The following MAP3K13 variants were observed in gnomAD, a reference collection of about 807,000 sequenced individuals.
MAP3K13 encodes the protein mitogen-activated protein kinase kinase kinase 13, also known as leucine zipper-bearing kinase.
Under a neutral mutation model 104.0 loss-of-function variants are expected in MAP3K13, and 52 were observed. The ratio of observed to expected loss-of-function variants is 0.50; its 90% confidence interval spans 0.40 to 0.63. The LOEUF (loss-of-function observed/expected upper bound fraction) is 0.63, where lower values mean the gene tolerates loss of function less well. MAP3K13 is among the 20% of genes least tolerant of loss of function. The pLI is 0.00. For missense variants in MAP3K13, 914 were observed against 1,218.5 expected, an observed-to-expected ratio of 0.75 and a Z score of 3.72; for synonymous variants, 394 against 442.2, an observed-to-expected ratio of 0.89 and a Z score of 1.37.
chr3:185,367,037 T>G (rs1277567899), intron 1 of MAP3K13, among the ~76,000 whole-genome samples: 2 of 152,252 alleles, frequency 1.3e-5, no homozygotes, highest in African/African-American at 4.8e-5. Flanking sequence ...CTATGTTTTC[T>G]TCTAAGAGTT....
chr3:185,384,797 T>G (rs545606143), intron 1 of MAP3K13, among the ~76,000 whole-genome samples: 2 of 152,302 alleles, frequency 1.3e-5, no homozygotes, highest in African/African-American at 4.8e-5. Context: ...GTAATGGGAT[T>G]ATTATTATTA....
At chr3:185,344,042 C>T (rs747764464) in intron 2 of MAP3K13, among the ~76,000 whole-genome samples, 2 of 152,194 alleles carry the variant, frequency 1.3e-5, no homozygotes, top group African/African-American at 2.4e-5. Context: ...ATAAGATATG[C>T]ATGTGTTCAT....
intron 1 of MAP3K13, among the ~76,000 whole-genome samples, chr3:185,406,657 AT>A (rs1713128983): frequency 6.6e-6 from 1 of 152,196 alleles, no homozygotes; most frequent in African/African-American, 2.4e-5. Flanking sequence ...AATTTCTAAG[AT>A]TTTGGTACTA....
intron 1 of MAP3K13, among the ~76,000 whole-genome samples, chr3:185,368,209 G>A (rs1212259092): frequency 1.3e-5 from 2 of 152,122 alleles, no homozygotes; most frequent in African/African-American, 4.8e-5. Context: ...GTAGGTAGTA[G>A]TATTCCCACT....
Position 185,429,392 on chromosome 3 carries a change from A to G in MAP3K13, c.475+336A>G, listed in dbSNP as rs549796181. On this transcript the variant is annotated intron_variant, in intron 2 of 13. Transcript: ENST00000265026. ...TTTCTATTTTCATACATTTTCAGAT[A>G]TATTTCATATTTTAATATAGCTGTG... Among the ~76,000 whole-genome samples the G allele has an allele frequency of 9.0e-4, 137 of 152,340 alleles. 1 individual carries two copies. Among genetic ancestry groups the G allele is most frequent in the African/African-American group, 3.0e-3 (126 of 41,586 alleles).
intron 1 of MAP3K13, among the ~76,000 whole-genome samples, chr3:185,412,008 T>A (rs767613358): frequency 2.0e-5 from 3 of 152,064 alleles, no homozygotes; most frequent in Non-Finnish European, 2.9e-5. Flanking sequence ...GGTCTCGAAC[T>A]CTGGACCTCA....
intron 7 of MAP3K13, among the ~76,000 whole-genome samples, chr3:185,454,034 GAT>G (rs1360702022): frequency 0.023 from 133 of 5,808 alleles, 5 homozygotes; most frequent in Non-Finnish European, 0.034. Context: ...ATATATATGA[GAT>G]ATATATATGA....
chr3:185,309,574 G>A (rs1257608400), intron 2 of MAP3K13, among the ~76,000 whole-genome samples: 1 of 151,664 alleles, frequency 6.6e-6, no homozygotes, highest in Non-Finnish European at 1.5e-5. Flanking sequence ...TCAGCAGACT[G>A]AAGAGAGCCA....
chr3:185,343,450 A>G (rs1286608559), intron 2 of MAP3K13, among the ~76,000 whole-genome samples: 5 of 151,812 alleles, frequency 3.3e-5, no homozygotes, highest in Non-Finnish European at 7.4e-5. Context: ...TCAGCAGGGT[A>G]TGTTTATTTA....
chr3:185,396,007 A>G (rs1712391443), intron 1 of MAP3K13, among the ~76,000 whole-genome samples: 1 of 152,030 alleles, frequency 6.6e-6, no homozygotes, highest in East Asian at 1.9e-4. Flanking sequence ...ACACCATTAC[A>G]ATTTGAGATT....
In MAP3K13 at chr3:185,429,951, G is replaced by A. The variant is rs77677334; in HGVS notation, c.475+895G>A. ...GTGGTGGCTCAAGCCTGTAATCACA[G>A]CACTTTGGGAGGCTAAGGGGAGCGG... On this transcript the variant is annotated intron_variant, in intron 2 of 13. Transcript: ENST00000265026. Among the ~76,000 whole-genome samples, 615 of 152,300 alleles carry A rather than the reference G, an allele frequency of 4.0e-3. 2 individuals carry two copies. The highest frequency in any genetic ancestry group is 0.014 in the African/African-American group (601 of 41,568).
chr3:185,361,388 GTTTT>G (rs1400378238), upstream of MAP3K13, among the ~76,000 whole-genome samples: 1 of 147,922 alleles, frequency 6.8e-6, no homozygotes. Flanking sequence ...CCATTTGTTC[GTTTT>G]TTGTTTTTTT....
At chr3:185,451,211 T>C in intron 6 of MAP3K13, 76 bp from the exon 7 acceptor site, 1 of 1,052,542 alleles carries the variant, frequency 9.5e-7, no homozygotes, top group Non-Finnish European at 1.4e-6. Flanking sequence ...AACAATCTTC[T>C]TCATAAAGTA....
At chr3:185,425,209 G>A (rs981860158) in intron 1 of MAP3K13, among the ~76,000 whole-genome samples, 2 of 152,170 alleles carry the variant, frequency 1.3e-5, no homozygotes, top group African/African-American at 4.8e-5. Flanking sequence ...GATAGCATCA[G>A]TAAAAGCCTA....
At chr3:185,422,264 G>A (rs562742363) in intron 1 of MAP3K13, among the ~76,000 whole-genome samples, 1 of 152,344 alleles carries the variant, frequency 6.6e-6, no homozygotes, top group South Asian at 2.1e-4. Context: ...AACCATGCTA[G>A]TGGAAGGAGC....
At chr3:185,403,605 C>T (rs1332110617) in intron 1 of MAP3K13, among the ~76,000 whole-genome samples, 3 of 152,090 alleles carry the variant, frequency 2.0e-5, no homozygotes, top group Non-Finnish European at 4.4e-5. Flanking sequence ...TCACACTGTA[C>T]AATTTTTGTC....
intron 2 of MAP3K13, among the ~76,000 whole-genome samples, chr3:185,323,167 TAACATCTTAC>T (rs1230046751): frequency 1.3e-5 from 2 of 152,188 alleles, no homozygotes; most frequent in African/African-American, 4.8e-5. Flanking sequence ...CTCCTGATGT[TAACATCTTAC>T]ATAACTATGG....
chr3:185,480,591 C>T, intron 13 of MAP3K13, 62 bp downstream of exon 13: 5 of 1,510,420 alleles, frequency 3.3e-6, no homozygotes, highest in East Asian at 2.3e-5. Flanking sequence ...GGGTTCAAGT[C>T]TCTAGGGCCT....
intron 1 of MAP3K13, among the ~76,000 whole-genome samples, chr3:185,408,571 T>TA (rs71164507): frequency 0.011 from 1,635 of 148,844 alleles, 41 homozygotes; most frequent in African/African-American, 0.037. Context: ...GACTCCATCT[T>TA]AAAAAAAAAA....
Sources: gnomAD v4.1 joint callset for allele counts (sites outside exome capture counted in the v4.1 genomes callset) on GRCh38, gnomAD v4.1.1 for gene constraint, MANE v1.5 for transcripts, NCBI Gene and HGNC (gene_info 2026-07-23, HGNC 2026-07-21) for gene names.